The following ITPR3 variants were observed in gnomAD, a reference collection of about 807,000 sequenced individuals.
The protein encoded by ITPR3 is inositol 1,4,5-trisphosphate-gated calcium channel ITPR3.
ITPR3 carries 173 observed loss-of-function variants against 293.2 expected under a neutral mutation model. The ratio of observed to expected loss-of-function variants is 0.59; its 90% CI spans 0.52 to 0.67. The LOEUF (loss-of-function observed/expected upper bound fraction) is 0.67, where lower values mean the gene tolerates loss of function less well. Among genes scored for constraint, ITPR3 ranks in the 30% least tolerant of loss-of-function variants. ITPR3 has a pLI of 0.00. For missense variants in ITPR3, 2,796 were observed against 3,592.1 expected (o/e 0.78, Z 5.66); for synonymous variants, 1,295 against 1,444.4 (o/e 0.90, Z 2.35).
Position 33,667,362 on chromosome 6 carries a change from A to G in ITPR3, c.1713+72A>G, listed in dbSNP as rs1331217391. On this transcript the variant is annotated intron_variant, in intron 15 of 57. Transcript: ENST00000605930. This position sits in a 1 kb window ranked among gnomAD's most constrained non-coding sequence, Gnocchi z 4.4. Reference sequence around the variant, plus strand: ...CTCAGCAAGCGATTTCCTCAGGCACATGTGCTGTGCCAGGCACTGTTTTGG... The same window carrying G: ...CTCAGCAAGCGATTTCCTCAGGCACGTGTGCTGTGCCAGGCACTGTTTTGG... 1.3e-6 allele frequency: 2 copies of G among 1,528,336 alleles called. No homozygotes were observed. The highest frequency in any genetic ancestry group is 8.8e-7 in the Non-Finnish European group (1 of 1,135,548). 94.7% of individuals were successfully genotyped at this position (1,528,336 alleles called of 1,614,324 possible).
At chr6:33,665,026 G>A in intron 12 of ITPR3, 27 bp from the exon 13 acceptor site, 1 of 1,613,600 alleles carries the variant, frequency 6.2e-7, no homozygotes, top group East Asian at 2.2e-5. Flanking sequence ...TTGTTCCCAG[G>A]TGCCCTGCTG....
intron 8 of ITPR3, 83 bp downstream of exon 8, chr6:33,662,757 A>G (rs1366946594): frequency 1.3e-6 from 2 of 1,547,756 alleles, no homozygotes; most frequent in Non-Finnish European, 1.7e-6. Context: ...GGAGGGTGGG[A>G]TATTGACCCC....
intron 43 of ITPR3, 70 bp from the exon 44 acceptor site, chr6:33,686,939 A>T: frequency 8.3e-7 from 1 of 1,199,512 alleles, no homozygotes; most frequent in Non-Finnish European, 1.2e-6. Context: ...ATGGAGAGGA[A>T]TGAGGGAGAA....
intron 1 of ITPR3, among the ~76,000 whole-genome samples, chr6:33,627,228 T>C (rs1179188310): frequency 3.6e-5 from 2 of 55,562 alleles, no homozygotes; most frequent in African/African-American, 1.3e-4. Context: ...TATATATATT[T>C]TTTCAGATTA....
At chr6:33,678,897 C>A in intron 30 of ITPR3, 58 bp downstream of exon 30, 1 of 1,533,014 alleles carries the variant, frequency 6.5e-7, no homozygotes, top group Non-Finnish European at 8.9e-7. Flanking sequence ...GGAGCAGAGG[C>A]TTGGCGGGAA....
intron 7 of ITPR3, among the ~76,000 whole-genome samples, chr6:33,661,589 A>G (rs1247399228): frequency 6.6e-6 from 1 of 152,218 alleles, no homozygotes; most frequent in Non-Finnish European, 1.5e-5. Context: ...CATCACGCAT[A>G]TTATAATCCT....
chr6:33,675,904 G>T lies in ITPR3; in HGVS notation c.3282+48G>T. 1 of 1,492,190 alleles carries T rather than the reference G, an allele frequency of 6.7e-7. No individual in the cohort carries two copies. Among genetic ancestry groups the T allele is most frequent in the Non-Finnish European group, 9.0e-7 (1 of 1,115,962 alleles). 92.4% of individuals were successfully genotyped at this position (1,492,190 alleles called of 1,614,324 possible). ...GCCCTGAGCATGAGGCCTGCACCAG[G>T]CACGGGGGGACAGTAAACGATGATT... On this transcript the variant is annotated intron_variant, in intron 25 of 57. Coordinates refer to ENST00000605930, the MANE Select transcript of ITPR3 (RefSeq NM_002224.4). This position sits in a 1 kb window ranked among gnomAD's most constrained non-coding sequence, Gnocchi z 5.0.
chr6:33,685,118 G>T (rs1290174410), intron 39 of ITPR3, among the ~76,000 whole-genome samples, 175 bp downstream of exon 39: 1 of 152,204 alleles, frequency 6.6e-6, no homozygotes, highest in African/African-American at 2.4e-5. Flanking sequence ...GAGGAGACGG[G>T]CTCAGGCCTG....
At chr6:33,677,205 C>T in intron 27 of ITPR3, 116 bp downstream of exon 27, 1 of 956,296 alleles carries the variant, frequency 1.0e-6, no homozygotes, top group Non-Finnish European at 1.6e-6. Context: ...TCACAAGAGA[C>T]ATCTTTCAGC....
At chr6:33,649,849 C>G (rs1764148288) in intron 2 of ITPR3, among the ~76,000 whole-genome samples, 1 of 152,006 alleles carries the variant, frequency 6.6e-6, no homozygotes, top group Admixed American at 6.6e-5. Flanking sequence ...TGTGGAGGAC[C>G]TGGGAGTTTG....
chr6:33,662,326 G>C (rs925935742), intron 7 of ITPR3, among the ~76,000 whole-genome samples: 3 of 152,094 alleles, frequency 2.0e-5, no homozygotes, highest in Non-Finnish European at 2.9e-5. Context: ...TTGGGGTCTG[G>C]GATGCGGGCT....
At chr6:33,642,978 C>A (rs1763983484) in intron 2 of ITPR3, among the ~76,000 whole-genome samples, 2 of 152,144 alleles carry the variant, frequency 1.3e-5, no homozygotes, top group Non-Finnish European at 2.9e-5. Context: ...CTTTGGCTGG[C>A]GAGTACAAGT....
chr6:33,650,265 G>C (rs929963689), intron 2 of ITPR3, among the ~76,000 whole-genome samples: 1 of 151,784 alleles, frequency 6.6e-6, no homozygotes, highest in Non-Finnish European at 1.5e-5. Flanking sequence ...AGAAGCATGG[G>C]ATGTGTATGG....
intron 3 of ITPR3, 77 bp from the exon 4 acceptor site, chr6:33,657,855 A>G: frequency 8.7e-7 from 1 of 1,153,606 alleles, no homozygotes; most frequent in Non-Finnish European, 1.3e-6. Context: ...GTGTGCGTGC[A>G]TGTGTGGGGC....
intron 3 of ITPR3, among the ~76,000 whole-genome samples, chr6:33,656,174 C>T (rs936039332): frequency 2.4e-4 from 36 of 152,226 alleles, no homozygotes; most frequent in African/African-American, 8.4e-4. Context: ...AATTCCAATA[C>T]GCAAGAGATT....
chr6:33,659,752 C>T (rs1013734076), intron 7 of ITPR3, among the ~76,000 whole-genome samples: 3 of 152,210 alleles, frequency 2.0e-5, no homozygotes, highest in African/African-American at 7.2e-5. Flanking sequence ...GGCCACAGCT[C>T]CCTTCTCCAT....
At position 33,691,114 on chromosome 6, in the gene ITPR3, T is replaced by G; in HGVS notation, c.7225+5T>G. 2 of 1,613,944 alleles carry G rather than the reference T, an allele frequency of 1.2e-6. No individual in the cohort carries two copies. Among genetic ancestry groups the G allele is most frequent in the South Asian group, 2.2e-5 (2 of 91,076 alleles). On this transcript the variant is annotated splice_donor_5th_base_variant and intron_variant, in intron 52 of 57. Coordinates refer to ENST00000605930, the MANE Select transcript of ITPR3 (RefSeq NM_002224.4). The surrounding 1 kb of genome is among the most constrained non-coding windows in gnomAD (Gnocchi z 4.9). ...TGCCCAACAACCACTCCACAGGTCT[T>G]GGAGGCTTCCTCTCCTGGGCAGGTT...
At chr6:33,642,116 C>T (rs994604458) in intron 2 of ITPR3, among the ~76,000 whole-genome samples, 9 of 152,234 alleles carry the variant, frequency 5.9e-5, no homozygotes, top group Admixed American at 4.6e-4. Context: ...GGCCCCTCCC[C>T]AGCGTCCTCT....
rs747313389 is a variant in ITPR3, at chr6:33,691,692, G to C, written c.7303G>C (p.Gly2435Arg). The C allele has an allele frequency of 5.0e-6, 8 of 1,614,032 alleles. No homozygotes were observed. The African/African-American group carries it at 6.7e-5, about 13-fold the overall frequency. Residue 2435 changes from glycine to arginine, a missense_variant, in exon 53 of 58, where the codon GGG (glycine) becomes CGG (arginine). Coordinates refer to ENST00000605930, the MANE Select transcript of ITPR3 (RefSeq NM_002224.4). This position sits in a 1 kb window ranked among gnomAD's most constrained non-coding sequence, Gnocchi z 4.9. ...CSGDKMDCVS[G>R]LSVPEVLEED... The stretch of plus-strand genomic sequence containing the variant: ...TGGGGACAAGATGGACTGTGTCTCA[G>C]GGCTCTCGGTGCCTGAGGTCCTGGA...
Sources: allele counts gnomAD v4.1 joint callset (sites outside exome capture counted in the v4.1 genomes callset), GRCh38; gene constraint gnomAD v4.1.1; non-coding constraint Gnocchi (gnomAD v3.1); transcripts MANE v1.5; gene names NCBI Gene and HGNC (gene_info 2026-07-23, HGNC 2026-07-21).